FAM114A2: variants seen among roughly 807,000 people sequenced by gnomAD.
The protein encoded by FAM114A2 is protein FAM114A2.
Under a neutral mutation model 58.4 loss-of-function variants are expected in FAM114A2, and 53 were observed. The ratio of observed to expected loss-of-function variants is 0.91; its 90% CI spans 0.73 to 1.14. The LOEUF is 1.14. Among genes scored for constraint, FAM114A2 ranks in the 50% most tolerant of loss-of-function variants. FAM114A2 has a pLI of 0.00. For missense variants in FAM114A2, 601 were observed against 581.1 expected (o/e 1.03, Z -0.35); for synonymous variants, 228 against 211.4 (o/e 1.08, Z -0.68).
At chr5:154,015,423 G>T (rs138428631) in intron 8 of FAM114A2, among the ~76,000 whole-genome samples, 9 of 152,300 alleles carry the variant, frequency 5.9e-5, no homozygotes, top group Non-Finnish European at 1.2e-4. Flanking sequence ...ACAGCTGAGA[G>T]ACCCACACAG....
At position 154,029,535 on chromosome 5, in the gene FAM114A2, C is replaced by T; in HGVS notation, c.449G>A (p.Gly150Glu). The T allele has an allele frequency of 6.2e-7, 1 of 1,611,524 alleles. No individual in the cohort carries two copies. The highest frequency in any genetic ancestry group is 8.5e-7 in the Non-Finnish European group (1 of 1,178,076). ...GATGGTAGAGAATACACCAAATGCC[C>T]CAGCCACTGGGGAGGAGTTTTCATT... ...KENENSSPVA[G>E]AFGVFSTIST... The change falls in exon 5 of 14, where the codon GGG becomes GAG. Residue 150 changes from glycine (G) to glutamate (E), a missense_variant. Coordinates refer to ENST00000351797, the MANE Select transcript of FAM114A2 (RefSeq NM_018691.4).
At chr5:154,012,546 T>C (rs1770768404) in intron 8 of FAM114A2, among the ~76,000 whole-genome samples, 1 of 152,234 alleles carries the variant, frequency 6.6e-6, no homozygotes, top group African/African-American at 2.4e-5. Flanking sequence ...TACTGCTTCA[T>C]ACTCAGCATC....
chr5:153,996,584 AAAT>A (rs1315246514), intron 12 of FAM114A2, among the ~76,000 whole-genome samples: 2 of 151,772 alleles, frequency 1.3e-5, no homozygotes, highest in African/African-American at 4.8e-5. Flanking sequence ...AAAAAAAAAA[AAAT>A]CTCCTACAAG....
At chr5:154,008,120 A>G (rs542646997) in intron 9 of FAM114A2, among the ~76,000 whole-genome samples, 1 of 152,324 alleles carries the variant, frequency 6.6e-6, no homozygotes, top group Non-Finnish European at 1.5e-5. Context: ...GCAGAGCGCT[A>G]AAGAACAAAT....
At chr5:154,029,675 G>A in intron 4 of FAM114A2, 95 bp from the exon 5 acceptor site, 1 of 645,662 alleles carries the variant, frequency 1.5e-6, no homozygotes, top group Non-Finnish European at 2.8e-6. Flanking sequence ...ACTAGACCCT[G>A]CTTACTACAT....
rs1243666193 is a variant in FAM114A2, at chr5:154,002,860, T to C, written c.1103A>G (p.Lys368Arg). 1.2e-6 allele frequency: 2 copies of C among 1,614,140 alleles called. No individual in the cohort carries two copies. Among genetic ancestry groups the C allele is most frequent in the South Asian group, 1.1e-5 (1 of 91,078 alleles). Reference sequence around the variant, plus strand: ...TGCTTTGGCTACCTCTATTGAATTTTTGTTGACTTGCTCAGTATTTTCTGC... The same window carrying C: ...TGCTTTGGCTACCTCTATTGAATTTCTGTTGACTTGCTCAGTATTTTCTGC... ...SEAENTEQVN[K>R]NSIEDIHAFA... Residue 368 changes from lysine to arginine, a missense_variant, in exon 10 of 14, where the codon AAA becomes AGA. Lys to Arg is a conservative substitution (Grantham distance 26). Transcript: ENST00000351797.
At chr5:154,021,567 A>T (rs11960710) in intron 8 of FAM114A2, among the ~76,000 whole-genome samples, 18,431 of 152,256 alleles carry the variant, frequency 0.12, 1,272 homozygotes, top group African/African-American at 0.15. Flanking sequence ...AGAGAATAAA[A>T]TACGTAAGAA....
At chr5:153,997,465 T>C (rs1561539781) in intron 12 of FAM114A2, among the ~76,000 whole-genome samples, 1 of 152,246 alleles carries the variant, frequency 6.6e-6, no homozygotes, top group East Asian at 1.9e-4. Flanking sequence ...AAAAACACTA[T>C]GCTAAGTGAG....
chr5:154,029,095 CAT>C (rs1459112003), intron 5 of FAM114A2, among the ~76,000 whole-genome samples: 1 of 152,154 alleles, frequency 6.6e-6, no homozygotes, highest in Non-Finnish European at 1.5e-5. Flanking sequence ...TTTAATCATA[CAT>C]AGTTTTGCAA....
rs1270543905 is a variant in FAM114A2, at chr5:153,992,636, T to C, written c.*340A>G. The stretch of plus-strand genomic sequence containing the variant: ...AGTTATATCCATGGGCTGCAAATTA[T>C]ATCCATGACAAAATTGATAACATTT... On this transcript the variant is annotated 3_prime_UTR_variant, in exon 14 of 14. Transcript: ENST00000351797. 1.8e-5 allele frequency: 3 copies of C among 169,222 alleles called. No homozygotes were observed. Among genetic ancestry groups the C allele is most frequent in the Non-Finnish European group, 3.8e-5 (3 of 79,648 alleles). The allele number at this position is 169,222 out of a possible 1,614,324, so 10.5% of individuals were successfully genotyped here. A position where few individuals can be genotyped will look rare whatever the true frequency, so the allele number is the denominator to read the frequency against.
At chr5:154,022,397 G>A (rs1771479038) in intron 8 of FAM114A2, among the ~76,000 whole-genome samples, 1 of 152,136 alleles carries the variant, frequency 6.6e-6, no homozygotes, top group Non-Finnish European at 1.5e-5. Flanking sequence ...CTGACAAAGG[G>A]CTGATATCCA....
intron 7 of FAM114A2, among the ~76,000 whole-genome samples, chr5:154,026,841 T>C (rs1289164347): frequency 2.1e-5 from 3 of 143,330 alleles, no homozygotes; most frequent in African/African-American, 5.2e-5. Flanking sequence ...AATTGGCAGC[T>C]CAAGTCAACA....
chr5:153,993,062 G>C lies in FAM114A2; in HGVS notation c.1432C>G (p.Pro478Ala). Residue 478 changes from proline to alanine, a missense_variant, in exon 14 of 14, where the codon CCT becomes GCT. Physicochemically the swap from Pro to Ala is conservative, Grantham distance 27 (BLOSUM62 -1). Transcript: ENST00000351797. ...YIQDAFQLLL[P>A]VLEISLIENK... ...TCAATGAGAGAGATCTCTAGCACAG[G>C]TAAGAGTAGCTGAAAGGCGTCCTGG... 6.2e-7 allele frequency: 1 copy of C among 1,612,984 alleles called. No individual in the cohort carries two copies. Among genetic ancestry groups the C allele is most frequent in the Non-Finnish European group, 8.5e-7 (1 of 1,179,140 alleles).
chr5:154,008,780 G>A (rs1187342519), intron 9 of FAM114A2, among the ~76,000 whole-genome samples: 1 of 152,054 alleles, frequency 6.6e-6, no homozygotes. Flanking sequence ...TTGGATAAGG[G>A]ATACTCAATC....
intron 4 of FAM114A2, among the ~76,000 whole-genome samples, chr5:154,030,159 T>C (rs938529716): frequency 6.6e-6 from 1 of 152,184 alleles, no homozygotes; most frequent in Non-Finnish European, 1.5e-5. Flanking sequence ...AATTTTACTG[T>C]GTGTAAATTA....
At chr5:153,995,460 C>G (rs1480780531) in intron 12 of FAM114A2, among the ~76,000 whole-genome samples, 1 of 152,046 alleles carries the variant, frequency 6.6e-6, no homozygotes, top group Non-Finnish European at 1.5e-5. Context: ...TTCAGGAAAC[C>G]CAGATCCTTT....
At chr5:153,999,915 G>A (rs1166506643) in intron 11 of FAM114A2, among the ~76,000 whole-genome samples, 1 of 152,020 alleles carries the variant, frequency 6.6e-6, no homozygotes, top group Non-Finnish European at 1.5e-5. Context: ...AGAAAATGTG[G>A]TGTGTATGCG....
At chr5:154,036,780 A>T (rs1028596181) in intron 1 of FAM114A2, 1 of 152,230 alleles carries the variant, frequency 6.6e-6, no homozygotes, top group African/African-American at 2.4e-5. Flanking sequence ...AATCCAGCCT[A>T]CAGATGTTTT....
chr5:154,029,433 T>G, intron 5 of FAM114A2, 56 bp downstream of exon 5: 1 of 979,348 alleles, frequency 1.0e-6, no homozygotes, highest in Non-Finnish European at 1.6e-6. Context: ...GAGAAAGATA[T>G]GCAAACCCAT....
Sources: gnomAD v4.1 joint callset for allele counts (sites outside exome capture counted in the v4.1 genomes callset) on GRCh38, gnomAD v4.1.1 for gene constraint, MANE v1.5 for transcripts, NCBI Gene and HGNC (gene_info 2026-07-23, HGNC 2026-07-21) for gene names.